Variants in CACNB2 observed in about 807,000 individuals in gnomAD.
The protein encoded by CACNB2 is calcium voltage-gated channel auxiliary subunit beta 2, also known as voltage-dependent L-type calcium channel subunit beta-2.
A neutral mutation model predicts 73.3 loss-of-function variants in CACNB2; 42 were observed. The ratio of observed to expected loss-of-function variants is 0.57; its 90% CI spans 0.45 to 0.74. CACNB2 has a LOEUF of 0.74. Ranked by LOEUF, CACNB2 falls within the 30% of genes least tolerant of loss-of-function variation. CACNB2 has a pLI of 0.00. For missense variants in CACNB2, 940 were observed against 853.0 expected, an observed-to-expected ratio of 1.10 and a Z score of -1.27; for synonymous variants, 348 against 310.3, an observed-to-expected ratio of 1.12 and a Z score of -1.28.
chr10:18,350,070 C>A (rs2041641248), intron 2 of CACNB2, among the ~76,000 whole-genome samples: 1 of 151,920 alleles, frequency 6.6e-6, no homozygotes, highest in Admixed American at 6.6e-5. Flanking sequence ...ATGGTGAAAC[C>A]CTGTCTCTAC....
intron 3 of CACNB2, among the ~76,000 whole-genome samples, chr10:18,490,396 A>G (rs1481182343): frequency 6.6e-6 from 1 of 152,194 alleles, no homozygotes; most frequent in African/African-American, 2.4e-5. Context: ...AAAGTACCAG[A>G]AACTGGAAAA....
intron 3 of CACNB2, among the ~76,000 whole-genome samples, chr10:18,460,934 C>T (rs1010587982): frequency 2.0e-5 from 3 of 151,074 alleles, no homozygotes; most frequent in African/African-American, 4.9e-5. Context: ...CTTTTCTTTC[C>T]TTTTTCTTTT....
In CACNB2 at chr10:18,150,880, T is replaced by TTTTTTTTTTTTTTTTTTTTTTTGAA; in HGVS notation, c.121-3_121-2insTTTTTTTTTTTTTTTTTTTTTTGAA. The TTTTTTTTTTTTTTTTTTTTTTTGAA allele has an allele frequency of 7.7e-7, 1 of 1,300,366 alleles. No homozygotes were observed. The highest frequency in any genetic ancestry group is 1.1e-6 in the Non-Finnish European group (1 of 943,298). The allele number at this position is 1,300,366 out of a possible 1,614,324, so 80.6% of individuals were successfully genotyped here. On this transcript the variant is annotated splice_polypyrimidine_tract_variant and splice_region_variant and intron_variant, in intron 1 of 13. Coordinates refer to ENST00000324631, the MANE Select transcript of CACNB2 (RefSeq NM_201596.3). Reference sequence around the variant, plus strand: ...CTTTTTTTTTTTTTTTTTTTTTTTTTAGTCATATGGAAAAGGAGCCAGAAG... The same window carrying TTTTTTTTTTTTTTTTTTTTTTTGAA: ...CTTTTTTTTTTTTTTTTTTTTTTTTTTTTTTTTTTTTTTTTTTTTTTTGAAAGTCATATGGAAAAGGAGCCAGAAG...
At chr10:18,183,875 C>G (rs1033216762) in intron 2 of CACNB2, among the ~76,000 whole-genome samples, 1 of 152,154 alleles carries the variant, frequency 6.6e-6, no homozygotes, top group African/African-American at 2.4e-5. Context: ...AACTTTAATG[C>G]CACATGCCAC....
intron 3 of CACNB2, among the ~76,000 whole-genome samples, chr10:18,433,907 TTGTTG>T (rs1334019411): frequency 6.9e-6 from 1 of 144,078 alleles, no homozygotes; most frequent in African/African-American, 2.5e-5. Flanking sequence ...GTTGTTGTTG[TTGTTG>T]TTTTAATAGC....
intron 2 of CACNB2, among the ~76,000 whole-genome samples, chr10:18,220,137 A>G (rs1216139610): frequency 4.3e-5 from 2 of 46,676 alleles, no homozygotes; most frequent in African/African-American, 3.2e-4. Flanking sequence ...ATATATATAT[A>G]TATATATATA....
chr10:18,486,170 A>G (rs941591878), intron 3 of CACNB2, among the ~76,000 whole-genome samples: 6 of 152,194 alleles, frequency 3.9e-5, no homozygotes, highest in Non-Finnish European at 5.9e-5. Context: ...ATTTATTTCT[A>G]TCCTTGAGTG....
intron 9 of CACNB2, among the ~76,000 whole-genome samples, chr10:18,526,638 C>T (rs994731990): frequency 6.6e-6 from 1 of 152,178 alleles, no homozygotes; most frequent in African/African-American, 2.4e-5. Context: ...TTGCTATTTC[C>T]AGTTCCCAAA....
intron 2 of CACNB2, among the ~76,000 whole-genome samples, chr10:18,340,110 C>CT (rs1370127905): frequency 1.3e-5 from 2 of 152,030 alleles, no homozygotes; most frequent in African/African-American, 4.8e-5. Flanking sequence ...AGTTGTGGGT[C>CT]TTTTGGTTGT....
intron 2 of CACNB2, among the ~76,000 whole-genome samples, chr10:18,336,595 G>GCA (rs2041016362): frequency 6.6e-6 from 1 of 151,584 alleles, no homozygotes; most frequent in Non-Finnish European, 1.5e-5. Context: ...CTCCAGCCTG[G>GCA]GTAACAGAGA....
intron 2 of CACNB2, 93 bp from the exon 3 acceptor site, chr10:18,401,831 C>A: frequency 2.4e-6 from 3 of 1,259,688 alleles, no homozygotes; most frequent in East Asian, 2.3e-5. Context: ...AAGTATAGAA[C>A]AATCCGGGAA....
intron 2 of CACNB2, 58 bp from the exon 3 acceptor site, chr10:18,401,866 T>A: frequency 6.3e-7 from 1 of 1,593,436 alleles, no homozygotes; most frequent in Admixed American, 1.7e-5. Flanking sequence ...CGATGAGACT[T>A]TTCCAATGCA....
At chr10:18,317,975 G>C (rs1030570550) in intron 2 of CACNB2, among the ~76,000 whole-genome samples, 1 of 152,056 alleles carries the variant, frequency 6.6e-6, no homozygotes, top group African/African-American at 2.4e-5. Context: ...GAAAATAATA[G>C]GACACAAACA....
intron 3 of CACNB2, among the ~76,000 whole-genome samples, chr10:18,424,378 C>T (rs1224957185): frequency 1.3e-5 from 2 of 152,036 alleles, no homozygotes; most frequent in Admixed American, 6.6e-5. Context: ...GCTATTCGTG[C>T]AGAAATCTCT....
At chr10:18,381,132 G>T (rs370967098) in intron 2 of CACNB2, among the ~76,000 whole-genome samples, 1 of 151,232 alleles carries the variant, frequency 6.6e-6, no homozygotes, top group Non-Finnish European at 1.5e-5. Flanking sequence ...GGGCCAGCTG[G>T]GGAAATTCTA....
chr10:18,513,014 A>G lies in CACNB2; in HGVS notation c.671-1222A>G, dbSNP rs137901612. On this transcript the variant is annotated intron_variant, in intron 6 of 13. Coordinates refer to ENST00000324631, the MANE Select transcript of CACNB2 (RefSeq NM_201596.3). ...GCTGCATCTCATCGATCTGCTGAGC[A>G]TACTTCTCAGATGTGATGTTTTCGC... is the stretch of plus-strand genomic sequence containing the variant. 1,387 of 189,072 alleles carry G rather than the reference A, an allele frequency of 7.3e-3. 19 individuals carry two copies. Among genetic ancestry groups the G allele is most frequent in the African/African-American group, 0.031 (1,320 of 42,436 alleles). The allele number at this position is 189,072 out of a possible 1,614,324, so 11.7% of individuals were successfully genotyped here.
intron 2 of CACNB2, among the ~76,000 whole-genome samples, chr10:18,321,775 T>A (rs1311545329): frequency 6.6e-6 from 1 of 152,220 alleles, no homozygotes; most frequent in Non-Finnish European, 1.5e-5. Context: ...TTACCTCATA[T>A]TAGGTCCTGG....
chr10:18,436,928 T>A (rs2132887160), intron 3 of CACNB2, among the ~76,000 whole-genome samples: 1 of 152,330 alleles, frequency 6.6e-6, no homozygotes, highest in African/African-American at 2.4e-5. Context: ...AGATCTCCCA[T>A]GGTGCAAGAA....
intron 2 of CACNB2, among the ~76,000 whole-genome samples, chr10:18,326,962 C>G (rs1046452844): frequency 2.0e-5 from 3 of 152,122 alleles, no homozygotes; most frequent in African/African-American, 2.4e-5. Context: ...CTCCTGGACT[C>G]AAGTGATCCG....
Sources: allele counts gnomAD v4.1 joint callset (sites outside exome capture counted in the v4.1 genomes callset), GRCh38; gene constraint gnomAD v4.1.1; transcripts MANE v1.5; gene names NCBI Gene and HGNC (gene_info 2026-07-23, HGNC 2026-07-21).